CACNA2D1: variants seen among roughly 807,000 people sequenced by gnomAD.
The protein encoded by CACNA2D1 is calcium voltage-gated channel auxiliary subunit alpha2delta 1, also known as voltage-dependent calcium channel subunit alpha-2/delta-1.
CACNA2D1 carries 53 observed loss-of-function variants against 171.5 expected under a neutral mutation model. The ratio of observed to expected loss-of-function variants is 0.31; its 90% CI spans 0.25 to 0.39. The LOEUF (loss-of-function observed/expected upper bound fraction) is 0.39, where lower values mean the gene tolerates loss of function less well. Among genes scored for constraint, CACNA2D1 ranks in the 10% least tolerant of loss-of-function variants. The probability of loss-of-function intolerance (pLI) is 1.00; values close to 1 mark genes in which losing one functional copy is unlikely to be tolerated. For synonymous variants in CACNA2D1, 442 were observed against 443.1 expected (o/e 1.00, Z 0.03); for missense variants, 903 against 1,299.8 (o/e 0.69, Z 4.69).
intron 3 of CACNA2D1, among the ~76,000 whole-genome samples, chr7:82,298,681 T>C (rs1812596366): frequency 6.6e-6 from 1 of 152,116 alleles, no homozygotes; most frequent in African/African-American, 2.4e-5. Context: ...GCTTGAGTGT[T>C]CTGAGTAGCA....
At chr7:82,189,616 T>G (rs1798097456) in intron 3 of CACNA2D1, among the ~76,000 whole-genome samples, 2 of 151,836 alleles carry the variant, frequency 1.3e-5, no homozygotes, top group African/African-American at 4.8e-5. Context: ...AATAGAAGAA[T>G]TATTTTAAAA....
rs1794264034 is a variant in CACNA2D1, at chr7:82,155,246, ATTTC to A, written c.354+15300_354+15303del. On this transcript the variant is annotated intron_variant, in intron 4 of 38. Coordinates refer to ENST00000356860, the MANE Select transcript of CACNA2D1 (RefSeq NM_000722.4). The stretch of plus-strand genomic sequence containing the variant: ...CTTTTTAAATTATCCAGTATCAGGT[ATTTC>A]TTTATAGCAATGCAAGAACCGACTA... Among the ~76,000 whole-genome samples, 3 of 152,138 alleles carry A rather than the reference ATTTC, an allele frequency of 2.0e-5. No individual in the cohort carries two copies. In the South Asian group the frequency reaches 6.2e-4, roughly 31 times the overall value.
chr7:82,306,028 G>C (rs1386085302), intron 3 of CACNA2D1, among the ~76,000 whole-genome samples: 1 of 152,172 alleles, frequency 6.6e-6, no homozygotes, highest in Non-Finnish European at 1.5e-5. Context: ...CATTTATACA[G>C]ACTAGTCTTA....
At chr7:82,080,673 G>A (rs1017637437) in intron 7 of CACNA2D1, among the ~76,000 whole-genome samples, 8 of 152,056 alleles carry the variant, frequency 5.3e-5, no homozygotes, top group East Asian at 1.9e-4. Context: ...ATCTTTTATC[G>A]TATCTGGCAG....
intron 4 of CACNA2D1, among the ~76,000 whole-genome samples, chr7:82,144,061 C>A (rs2129093007): frequency 6.6e-6 from 1 of 152,176 alleles, no homozygotes; most frequent in South Asian, 2.1e-4. Flanking sequence ...AAACTGTATT[C>A]CATCTCTCTA....
intron 4 of CACNA2D1, among the ~76,000 whole-genome samples, chr7:82,145,723 TAC>T (rs929319870): frequency 6.7e-6 from 1 of 149,372 alleles, no homozygotes; most frequent in Admixed American, 6.7e-5. Flanking sequence ...TATATATATA[TAC>T]ACACACATAT....
chr7:82,204,541 A>C (rs962675714), intron 3 of CACNA2D1, among the ~76,000 whole-genome samples: 2 of 152,046 alleles, frequency 1.3e-5, no homozygotes, highest in Non-Finnish European at 1.5e-5. Context: ...TGCCTGCCAT[A>C]ACCTGGAGTT....
Position 82,347,542 on chromosome 7 carries a change from A to G in CACNA2D1, c.177+2026T>C, listed in dbSNP as rs1483975745. ...ATTCAACTTCTGGTCCTCACCATAT[A>G]TCCAACACCCCCAATCTCAGCTCAA... On this transcript the variant is annotated intron_variant, in intron 2 of 38. Transcript: ENST00000356860. 2.6e-5 allele frequency among the ~76,000 whole-genome samples: 4 copies of G among 152,110 alleles called. No homozygotes were observed. The East Asian group carries it at 7.7e-4, about 29-fold the overall frequency.
chr7:82,380,442 ATG>A (rs1823565876), intron 1 of CACNA2D1, among the ~76,000 whole-genome samples: 1 of 152,106 alleles, frequency 6.6e-6, no homozygotes, highest in African/African-American at 2.4e-5. Context: ...TCAATTTTTG[ATG>A]TGAGTGATTC....
At chr7:82,377,898 A>G (rs1285550649) in intron 1 of CACNA2D1, among the ~76,000 whole-genome samples, 1 of 152,198 alleles carries the variant, frequency 6.6e-6, no homozygotes, top group African/African-American at 2.4e-5. Flanking sequence ...TAAATATACT[A>G]CATTTTGGCT....
intron 20 of CACNA2D1, among the ~76,000 whole-genome samples, chr7:81,993,871 A>G (rs1299526091): frequency 6.6e-6 from 1 of 152,114 alleles, no homozygotes; most frequent in Non-Finnish European, 1.5e-5. Context: ...AGTTAATAGA[A>G]TATTACTTTG....
intron 1 of CACNA2D1, among the ~76,000 whole-genome samples, chr7:82,356,315 T>C (rs1187884585): frequency 7.9e-5 from 12 of 152,140 alleles, no homozygotes; most frequent in Non-Finnish European, 1.8e-4. Flanking sequence ...TCCATGCATG[T>C]TGACTGTCCT....
intron 2 of CACNA2D1, among the ~76,000 whole-genome samples, chr7:82,341,578 A>G (rs78076770): frequency 0.11 from 17,375 of 152,162 alleles, 1,718 homozygotes; most frequent in African/African-American, 0.26. Context: ...CTAAATAAAA[A>G]TCAAGCTTTT....
In CACNA2D1 at chr7:82,095,664, CTATT is replaced by C. The variant is rs554342701; in HGVS notation, c.527-10768_527-10765del. 2.8e-3 allele frequency among the ~76,000 whole-genome samples: 422 copies of C among 152,298 alleles called. 1 individual carries two copies. The highest frequency in any genetic ancestry group is 9.0e-3 in the African/African-American group (376 of 41,554). On this transcript the variant is annotated intron_variant, in intron 6 of 38. Coordinates refer to ENST00000356860, the MANE Select transcript of CACNA2D1 (RefSeq NM_000722.4). Reference sequence around the variant, plus strand: ...ATGTTTTGGTACATACTAACAATATCTATTTGTTAATGAATGAAAGAGTGTGTGA... The same window carrying C: ...ATGTTTTGGTACATACTAACAATATCTGTTAATGAATGAAAGAGTGTGTGA...
intron 3 of CACNA2D1, among the ~76,000 whole-genome samples, chr7:82,222,868 T>C (rs1317144367): frequency 6.6e-6 from 1 of 151,812 alleles, no homozygotes; most frequent in Non-Finnish European, 1.5e-5. Flanking sequence ...TCCAGAATAT[T>C]ATATCTTTAG....
At chr7:82,184,438 G>A (rs147629900) in intron 3 of CACNA2D1, among the ~76,000 whole-genome samples, 68 of 151,820 alleles carry the variant, frequency 4.5e-4, no homozygotes, top group African/African-American at 1.6e-3. Context: ...TTTTAATGCT[G>A]TAAAATATTC....
At position 81,947,793 on chromosome 7, in the gene CACNA2D1, G is replaced by A. The variant is rs886706528; in HGVS notation, c.*2599C>T. 2 of 151,842 alleles carry A rather than the reference G, an allele frequency of 1.3e-5. No homozygotes were observed. Among genetic ancestry groups the A allele is most frequent in the African/African-American group, 2.4e-5 (1 of 41,406 alleles). 9.4% of individuals were successfully genotyped at this position (151,842 alleles called of 1,614,324 possible). On this transcript the variant is annotated 3_prime_UTR_variant, in exon 39 of 39. Coordinates refer to ENST00000356860, the MANE Select transcript of CACNA2D1 (RefSeq NM_000722.4). The stretch of plus-strand genomic sequence containing the variant: ...ATAATTTGATGGGATGAGTGTTACT[G>A]TCTTAAAAAATATGCTAAAAGCATG...
At chr7:82,259,341 G>T (rs1465303845) in intron 3 of CACNA2D1, among the ~76,000 whole-genome samples, 1 of 152,020 alleles carries the variant, frequency 6.6e-6, no homozygotes, top group African/African-American at 2.4e-5. Flanking sequence ...TTGTAATAGG[G>T]TTAAAATGTA....
chr7:82,105,398 C>CTTTTTTTTTTTTTT (rs572031121), intron 6 of CACNA2D1, among the ~76,000 whole-genome samples: 8 of 99,470 alleles, frequency 8.0e-5, no homozygotes, highest in Non-Finnish European at 9.5e-5. Context: ...CAGTTTTTGT[C>CTTTTTTTTTTTTTT]TTTTTTTTTT....
Sources: allele counts gnomAD v4.1 joint callset (sites outside exome capture counted in the v4.1 genomes callset), GRCh38; gene constraint gnomAD v4.1.1; transcripts MANE v1.5; gene names NCBI Gene and HGNC (gene_info 2026-07-23, HGNC 2026-07-21).